The following CCAT2 variants were observed in gnomAD, a reference collection of about 807,000 sequenced individuals.
CCAT2 encodes colon cancer associated transcript 2, also known as colon cancer associated transcript 2 (non-protein coding).
At chr8:127,401,788 G>A (rs1477841354) in exon 1 of CCAT2, 1 of 152,176 alleles carries the variant, frequency 6.6e-6, no homozygotes, top group Non-Finnish European at 1.5e-5. Flanking sequence ...CTTCTAAAAG[G>A]TGTCATCTCT....
chr8:127,401,348 G>C (rs114666053), exon 1 of CCAT2: 1 of 152,178 alleles, frequency 6.6e-6, no homozygotes, highest in Non-Finnish European at 1.5e-5. Context: ...AACTGCCCAG[G>C]TAATATGTTT....
exon 1 of CCAT2, chr8:127,401,771 C>T (rs1814941216): frequency 6.6e-6 from 1 of 152,188 alleles, no homozygotes; most frequent in African/African-American, 2.4e-5. Context: ...TTTATGTGGT[C>T]CCTGAACTTC....
exon 1 of CCAT2, chr8:127,401,997 A>C (rs142927748): frequency 6.6e-5 from 10 of 152,370 alleles, no homozygotes; most frequent in African/African-American, 2.2e-4. Flanking sequence ...GATTGCTTAC[A>C]TAAATAATGT....
exon 1 of CCAT2, chr8:127,401,015 C>T (rs1026716232): frequency 6.6e-6 from 1 of 152,226 alleles, no homozygotes; most frequent in Admixed American, 6.5e-5. Flanking sequence ...AGAGGTGTAG[C>T]CAGAGTTAAT....
exon 1 of CCAT2, chr8:127,401,015 C>A (rs1026716232): frequency 6.6e-6 from 1 of 152,226 alleles, no homozygotes; most frequent in Non-Finnish European, 1.5e-5. Context: ...AGAGGTGTAG[C>A]CAGAGTTAAT....
At chr8:127,401,051 A>C (rs913631231) in exon 1 of CCAT2, 1 of 152,258 alleles carries the variant, frequency 6.6e-6, no homozygotes, top group Non-Finnish European at 1.5e-5. Context: ...TGAGCTCAGC[A>C]GATGAAAGGC....
exon 1 of CCAT2, chr8:127,400,781 T>C (rs1325522638): frequency 6.6e-6 from 1 of 152,260 alleles, no homozygotes; most frequent in African/African-American, 2.4e-5. Flanking sequence ...CTTTTCCTGC[T>C]CTTATTGCAT....
chr8:127,401,040 T>C (rs552825671), exon 1 of CCAT2: 1 of 152,360 alleles, frequency 6.6e-6, no homozygotes, highest in South Asian at 2.1e-4. Context: ...TCATCGTCCT[T>C]TGAGCTCAGC....
exon 1 of CCAT2, chr8:127,401,964 T>G (rs1246883247): frequency 6.6e-6 from 1 of 151,952 alleles, no homozygotes; most frequent in Non-Finnish European, 1.5e-5. Flanking sequence ...TGATCCTTTA[T>G]CCCCAGATGT....
chr8:127,401,560 G>A (rs1427707941), exon 1 of CCAT2: 1 of 152,188 alleles, frequency 6.6e-6, no homozygotes, highest in African/African-American at 2.4e-5. Flanking sequence ...GCATTGGTGA[G>A]CTGTGTTTTG....
exon 1 of CCAT2, chr8:127,401,569 T>C (rs1814939487): frequency 6.6e-6 from 1 of 152,238 alleles, no homozygotes; most frequent in Admixed American, 6.5e-5. Flanking sequence ...AGCTGTGTTT[T>C]GTTTATGGTT....
exon 1 of CCAT2, chr8:127,402,032 C>G (rs546571383): frequency 4.5e-4 from 68 of 152,352 alleles, no homozygotes; most frequent in African/African-American, 1.5e-3. Flanking sequence ...TGCCAGGCTC[C>G]TGGCTCAGCT....
exon 1 of CCAT2, chr8:127,401,037 C>T (rs1814932560): frequency 6.6e-6 from 1 of 152,216 alleles, no homozygotes; most frequent in African/African-American, 2.4e-5. Context: ...CCCTCATCGT[C>T]CTTTGAGCTC....
At chr8:127,401,565 G>C (rs1814939411) in exon 1 of CCAT2, 1 of 152,114 alleles carries the variant, frequency 6.6e-6, no homozygotes, top group African/African-American at 2.4e-5. Context: ...GGTGAGCTGT[G>C]TTTTGTTTAT....
chr8:127,400,593 A>T (rs1814927026), exon 1 of CCAT2: 2 of 152,226 alleles, frequency 1.3e-5, no homozygotes. Context: ...GGAGGTATCA[A>T]CAGAGACTCC....
chr8:127,400,896 G>C (rs1265524379), exon 1 of CCAT2: 1 of 152,312 alleles, frequency 6.6e-6, no homozygotes, highest in Non-Finnish European at 1.5e-5. Flanking sequence ...TTCCCTTCCA[G>C]CTCCACCTCT....
chr8:127,401,007 A>G (rs78044077), exon 1 of CCAT2: 3 of 152,352 alleles, frequency 2.0e-5, no homozygotes, highest in Non-Finnish European at 4.4e-5. Flanking sequence ...TACCACTAAG[A>G]GGTGTAGCCA....
chr8:127,401,922 C>T (rs187774308), exon 1 of CCAT2: 3 of 152,204 alleles, frequency 2.0e-5, no homozygotes, highest in East Asian at 1.9e-4. Flanking sequence ...ATTTCATCTA[C>T]GTGAAGAGCC....
exon 1 of CCAT2, chr8:127,401,141 G>A (rs148625547): frequency 6.6e-6 from 1 of 152,196 alleles, no homozygotes; most frequent in Admixed American, 6.5e-5. Flanking sequence ...GCCCCAGCTG[G>A]AAAGCTGCTT....
Sources: allele counts gnomAD v4.1 joint callset, GRCh38; gene constraint gnomAD v4.1.1; transcripts MANE v1.5; gene names NCBI Gene and HGNC (gene_info 2026-07-23, HGNC 2026-07-21).